Variants in SHOX observed in about 807,000 individuals in gnomAD.
SHOX encodes the protein SHOX homeobox.
Under a neutral mutation model 29.6 loss-of-function variants are expected in SHOX, and 12 were observed. That is an observed-to-expected ratio of 0.41 (90% confidence interval 0.26 to 0.66). SHOX has a LOEUF of 0.66. SHOX is among the 30% of genes least tolerant of loss of function. The pLI is 0.35. For missense variants in SHOX, 499 were observed against 437.7 expected, an observed-to-expected ratio of 1.14 and a Z score of -1.25; for synonymous variants, 214 against 200.6, an observed-to-expected ratio of 1.07 and a Z score of -0.57.
intron 1 of SHOX, among the ~76,000 whole-genome samples, chrX:631,685 C>T (rs967891240): frequency 2.0e-5 from 3 of 152,200 alleles, no homozygotes; most frequent in Non-Finnish European, 4.4e-5. Context: ...GCATGCACCA[C>T]CACGCCTGGC....
intron 5 of SHOX, among the ~76,000 whole-genome samples, chrX:658,100 G>A (rs374304083): frequency 2.0e-5 from 3 of 151,352 alleles, no homozygotes; most frequent in East Asian, 2.0e-4. Context: ...TCAGCCTCCC[G>A]AGTAGCTGGG....
intron 1 of SHOX, chrX:631,925 G>A: frequency 2.2e-6 from 1 of 456,108 alleles, no homozygotes; most frequent in Non-Finnish European, 4.4e-6. Context: ...GTCTCCACGC[G>A]CCTTCCCAGC....
chrX:631,931 C>A lies in SHOX; in HGVS notation c.277+757C>A, dbSNP rs185203027. On this transcript the variant is annotated intron_variant, in intron 1 of 4. Coordinates refer to ENST00000686671, the MANE Select transcript of SHOX (RefSeq NM_000451.4). ...AGAGGAGCCGTCTCCACGCGCCTTC[C>A]CAGCGCTCAGCGCCTGCCGGGCCCC... The A allele has an allele frequency of 7.1e-4, 322 of 456,114 alleles. 1 individual carries two copies. Among genetic ancestry groups the A allele is most frequent in the African/African-American group, 5.8e-3 (289 of 50,216 alleles). The allele number at this position is 456,114 out of a possible 1,614,324, so 28.3% of individuals were successfully genotyped here.
downstream of SHOX, among the ~76,000 whole-genome samples, chrX:652,795 G>A (rs1490584721): frequency 2.0e-5 from 3 of 152,184 alleles, no homozygotes; most frequent in Non-Finnish European, 2.9e-5. Context: ...CAGCCTGTGT[G>A]TGTCTTGCCG....
upstream of SHOX, among the ~76,000 whole-genome samples, chrX:628,470 T>C (rs1198227283): frequency 4.6e-5 from 6 of 131,246 alleles, no homozygotes; most frequent in Non-Finnish European, 9.8e-5. Context: ...TCTCTCTCTG[T>C]CTCTCCCTGT....
upstream of SHOX, among the ~76,000 whole-genome samples, chrX:625,831 C>G (rs1405703095): frequency 7.2e-6 from 1 of 139,678 alleles, no homozygotes; most frequent in Non-Finnish European, 1.5e-5. Flanking sequence ...CTCTTTCTCT[C>G]CTCTCTTTTT....
At position 645,120 on chromosome X, in the gene SHOX, G is replaced by T. The variant is rs1208423151; in HGVS notation, c.*484G>T. 6.5e-6 allele frequency: 1 copy of T among 153,750 alleles called. No individual in the cohort carries two copies. Among genetic ancestry groups the T allele is most frequent in the Admixed American group, 6.5e-5 (1 of 15,300 alleles). 9.5% of individuals were successfully genotyped at this position (153,750 alleles called of 1,614,324 possible). On this transcript the variant is annotated 3_prime_UTR_variant, in exon 5 of 5. Transcript: ENST00000686671. Reference sequence around the variant, plus strand: ...CTTCATCCCGAGAGGCTGCGGAACGGGTGTGGATTTGAATGTGGACTTCGG... The same window carrying T: ...CTTCATCCCGAGAGGCTGCGGAACGTGTGTGGATTTGAATGTGGACTTCGG...
chrX:633,533 G>A (rs2052685453), intron 1 of SHOX, among the ~76,000 whole-genome samples: 1 of 151,616 alleles, frequency 6.6e-6, no homozygotes. Context: ...AGACAGAACA[G>A]GGTGCTAGTA....
downstream of SHOX, among the ~76,000 whole-genome samples, chrX:652,491 G>T (rs1358749211): frequency 6.6e-6 from 1 of 151,822 alleles, no homozygotes; most frequent in Non-Finnish European, 1.5e-5. Flanking sequence ...GCCCACACAG[G>T]GTTCCCACCG....
chrX:648,700 C>G lies in SHOX; in HGVS notation c.*4064C>G, dbSNP rs1006575473. ...CACGAGTGTCTGTGGACACTGGCTG[C>G]CTTTGGCTTTTCTCCTGCGAGAGAA... is the stretch of plus-strand genomic sequence containing the variant. On this transcript the variant is annotated 3_prime_UTR_variant, in exon 5 of 5. Transcript: ENST00000686671. Among the ~76,000 whole-genome samples the G allele has an allele frequency of 6.6e-5, 10 of 152,118 alleles. No homozygotes were observed. Among genetic ancestry groups the G allele is most frequent in the Non-Finnish European group, 1.0e-4 (7 of 68,030 alleles).
chrX:645,771 T>C lies in SHOX; in HGVS notation c.*1135T>C, dbSNP rs754370301. ...AGATATCAGTTTGGTACCTGAGCTGTTTCTGGTTGGGAAGCGTAAAAGCCA... is the reference window on the plus strand; with the variant it reads ...AGATATCAGTTTGGTACCTGAGCTGCTTCTGGTTGGGAAGCGTAAAAGCCA... On this transcript the variant is annotated 3_prime_UTR_variant, in exon 5 of 5. Coordinates refer to ENST00000686671, the MANE Select transcript of SHOX (RefSeq NM_000451.4). 1.3e-5 allele frequency: 2 copies of C among 152,328 alleles called. No individual in the cohort carries two copies. Among genetic ancestry groups the C allele is most frequent in the South Asian group, 2.1e-4 (1 of 4,828 alleles). The allele number at this position is 152,328 out of a possible 1,614,324, so 9.4% of individuals were successfully genotyped here. A position where few individuals can be genotyped will look rare whatever the true frequency, so the allele number is the denominator to read the frequency against.
rs1458275715 is a variant in SHOX, at chrX:636,970, A to ATATATATATATATATATAT, written c.486+2145_486+2146insATATATATATATATATATT. On this transcript the variant is annotated intron_variant, in intron 2 of 4. Coordinates refer to ENST00000686671, the MANE Select transcript of SHOX (RefSeq NM_000451.4). ...AAAATATATATATATATATATATATATTTTGGCTCCTGATTCTCTTCCGTC... is the reference window on the plus strand; with the variant it reads ...AAAATATATATATATATATATATATATATATATATATATATATATTTTTGGCTCCTGATTCTCTTCCGTC... Among the ~76,000 whole-genome samples, 557 of 137,120 alleles carry ATATATATATATATATATAT rather than the reference A, an allele frequency of 4.1e-3. 13 individuals are homozygous for ATATATATATATATATATAT. Among genetic ancestry groups the ATATATATATATATATATAT allele is most frequent in the African/African-American group, 0.015 (530 of 35,860 alleles). The allele number at this position is 137,120 out of a possible 152,430, so 90.0% of individuals were successfully genotyped here.
upstream of SHOX, among the ~76,000 whole-genome samples, chrX:626,577 GTA>G (rs1378112206): frequency 0.078 from 1,234 of 15,894 alleles, 191 homozygotes; most frequent in African/African-American, 0.1. Context: ...GTCTCTGTCT[GTA>G]TCTCTGTCTG....
At chrX:631,259 C>T (rs1281970546) in intron 1 of SHOX, 85 bp downstream of exon 1, 5 of 1,515,976 alleles carry the variant, frequency 3.3e-6, no homozygotes, top group Non-Finnish European at 4.6e-6. Flanking sequence ...GCGCGCCCCT[C>T]GCTGTGCACA....
intron 1 of SHOX, among the ~76,000 whole-genome samples, chrX:625,059 C>CT (rs1556451957): frequency 2.1e-5 from 1 of 47,748 alleles, no homozygotes; most frequent in African/African-American, 4.5e-5. Flanking sequence ...CTGTTCCTTC[C>CT]TCCCTCCCTC....
At chrX:655,952 A>G (rs1220737720), downstream of SHOX, among the ~76,000 whole-genome samples, 6 of 151,576 alleles carry the variant, frequency 4.0e-5, no homozygotes, top group Non-Finnish European at 2.9e-5. Context: ...CTGAGGCAGG[A>G]GGATCACTTG....
chrX:639,818 A>G (rs1333219816), intron 2 of SHOX, among the ~76,000 whole-genome samples: 3 of 151,046 alleles, frequency 2.0e-5, no homozygotes, highest in Admixed American at 2.0e-4. Flanking sequence ...CCTGGCCAAC[A>G]TGGTGAAACC....
downstream of SHOX, among the ~76,000 whole-genome samples, chrX:652,804 C>T (rs771870840): frequency 6.6e-6 from 1 of 152,114 alleles, no homozygotes; most frequent in African/African-American, 2.4e-5. Context: ...TGTGTCTTGC[C>T]GGACAGAAGA....
rs1224067591 is a variant in SHOX, at chrX:648,848, G to A, written c.*4212G>A. Among the ~76,000 whole-genome samples the A allele has an allele frequency of 1.3e-5, 2 of 151,852 alleles. No homozygotes were observed. The highest frequency in any genetic ancestry group is 4.8e-5 in the African/African-American group (2 of 41,246). On this transcript the variant is annotated 3_prime_UTR_variant, in exon 5 of 5. Coordinates refer to ENST00000686671, the MANE Select transcript of SHOX (RefSeq NM_000451.4). ...GGAAGTAAGAAATTCAGCTTGGGCT[G>A]TGACCAGTTCTCACCACCAACGCCC...
Sources: gnomAD v4.1 joint callset for allele counts (sites outside exome capture counted in the v4.1 genomes callset) on GRCh38, gnomAD v4.1.1 for gene constraint, MANE v1.5 for transcripts, NCBI Gene and HGNC (gene_info 2026-07-23, HGNC 2026-07-21) for gene names.